The following CA6 variants were observed in gnomAD, a reference collection of about 807,000 sequenced individuals.
The protein encoded by CA6 is carbonate dehydratase VI.
Under a neutral mutation model 35.9 loss-of-function variants are expected in CA6, and 28 were observed. That is an observed-to-expected ratio of 0.78 (90% confidence interval 0.58 to 1.07). The LOEUF (loss-of-function observed/expected upper bound fraction) is 1.07. CA6 is among the 50% of genes least tolerant of loss of function. CA6 has a pLI of 0.00. For missense variants in CA6, 377 were observed against 382.0 expected (o/e 0.99, Z 0.11); for synonymous variants, 148 against 152.6 (o/e 0.97, Z 0.22).
chr1:8,974,094 G>A (rs1401187722), intron 7 of CA6, among the ~76,000 whole-genome samples: 2 of 152,102 alleles, frequency 1.3e-5, no homozygotes, highest in Non-Finnish European at 2.9e-5. Context: ...CAAAGTGCTG[G>A]GATTACAGGC....
chr1:8,957,549 C>G (rs528021339), intron 3 of CA6, among the ~76,000 whole-genome samples: 3 of 152,110 alleles, frequency 2.0e-5, no homozygotes, highest in Non-Finnish European at 4.4e-5. Context: ...CCATTTTGGC[C>G]AGGCTGGTCT....
intron 4 of CA6, among the ~76,000 whole-genome samples, chr1:8,960,640 T>C (rs891974731): frequency 4.6e-5 from 7 of 151,416 alleles, no homozygotes; most frequent in African/African-American, 1.7e-4. Flanking sequence ...ATCAGTGCAT[T>C]TGAAGATAGA....
intron 2 of CA6, among the ~76,000 whole-genome samples, chr1:8,953,166 C>T (rs1480794621): frequency 6.6e-6 from 1 of 152,156 alleles, no homozygotes; most frequent in Non-Finnish European, 1.5e-5. Context: ...TTTCACTTAG[C>T]AATATGCATT....
chr1:8,946,662 A>G (rs1639371993), intron 1 of CA6, among the ~76,000 whole-genome samples: 1 of 152,054 alleles, frequency 6.6e-6, no homozygotes, highest in Non-Finnish European at 1.5e-5. Context: ...GACTCTCGGT[A>G]ACCTCACGGA....
At chr1:8,949,578 G>A in intron 2 of CA6, 136 bp downstream of exon 2, 1 of 716,946 alleles carries the variant, frequency 1.4e-6, no homozygotes, top group Non-Finnish European at 2.3e-6. Flanking sequence ...TCGAACATGA[G>A]GGTCGAACAT....
chr1:8,973,206 G>T (rs531204211), intron 7 of CA6, among the ~76,000 whole-genome samples: 1 of 152,254 alleles, frequency 6.6e-6, no homozygotes, highest in South Asian at 2.1e-4. Context: ...TTTTAGTAGA[G>T]ATGGGATTTC....
rs752327174 is a variant in CA6 at position 8,957,166 on chromosome 1, A to C, written c.289A>C (p.Met97Leu). ...VQISLPSTMR[M>L]TVADGTVYIA... ...GATCAGCCTGCCCTCCACCATGCGC[A>C]TGACAGTGGCTGACGGCACTGTATA... The change falls in exon 3 of 8, where the codon ATG (methionine) becomes CTG (leucine). Residue 97 changes from methionine to leucine, a missense_variant. Coordinates refer to ENST00000377443, the MANE Select transcript of CA6 (RefSeq NM_001215.4). The C allele has an allele frequency of 2.5e-6, 4 of 1,613,420 alleles. No individual in the cohort carries two copies. In the South Asian group the frequency reaches 4.4e-5, roughly 18 times the overall value.
chr1:8,949,814 G>A (rs1263392463), intron 2 of CA6, among the ~76,000 whole-genome samples: 1 of 152,008 alleles, frequency 6.6e-6, no homozygotes, highest in African/African-American at 2.4e-5. Flanking sequence ...TTCCTATATT[G>A]AGTCTATTCA....
intron 3 of CA6, among the ~76,000 whole-genome samples, chr1:8,958,522 A>G (rs1311582158): frequency 1.3e-5 from 2 of 152,120 alleles, no homozygotes; most frequent in African/African-American, 4.8e-5. Flanking sequence ...TAGGATGACT[A>G]CATGTTAACA....
intron 7 of CA6, among the ~76,000 whole-genome samples, chr1:8,973,467 C>T (rs1391716774): frequency 2.6e-5 from 4 of 152,216 alleles, no homozygotes; most frequent in Admixed American, 2.6e-4. Context: ...TCTAGCATCT[C>T]CTCACGAGGG....
chr1:8,961,622 C>T (rs1458723540), intron 4 of CA6, among the ~76,000 whole-genome samples: 1 of 151,952 alleles, frequency 6.6e-6, no homozygotes, highest in Non-Finnish European at 1.5e-5. Context: ...TGGACCAATG[C>T]AACAAAAAAG....
chr1:8,954,152 A>ATTCT (rs1028917851), intron 2 of CA6, among the ~76,000 whole-genome samples: 20 of 149,784 alleles, frequency 1.3e-4, no homozygotes, highest in African/African-American at 4.9e-4. Context: ...TGGAGCAGCC[A>ATTCT]TTCTTTATTC....
intron 5 of CA6, among the ~76,000 whole-genome samples, chr1:8,966,994 AC>A (rs1639985782): frequency 6.6e-6 from 1 of 151,098 alleles, no homozygotes; most frequent in South Asian, 2.1e-4. Context: ...AATAAAAAAA[AC>A]AACTTATTGT....
At chr1:8,949,466 G>T in intron 2 of CA6, 24 bp downstream of exon 2, 3 of 1,599,676 alleles carry the variant, frequency 1.9e-6, no homozygotes, top group South Asian at 2.2e-5. Context: ...GTGGTGAGGG[G>T]CTCCAGTCCA....
At chr1:8,954,775 A>G (rs909620252) in intron 2 of CA6, among the ~76,000 whole-genome samples, 2 of 152,062 alleles carry the variant, frequency 1.3e-5, no homozygotes, top group Admixed American at 1.3e-4. Flanking sequence ...AGGTTTCGCC[A>G]TGTTGGCTAG....
intron 7 of CA6, 21 bp from the exon 8 acceptor site, chr1:8,974,601 G>A (rs372650598): frequency 1.2e-5 from 19 of 1,561,394 alleles, no homozygotes; most frequent in African/African-American, 9.5e-5. Context: ...AACCATTTCC[G>A]ACTAACTCTT....
At chr1:8,960,409 A>C (rs976283489) in intron 4 of CA6, among the ~76,000 whole-genome samples, 1 of 151,990 alleles carries the variant, frequency 6.6e-6, no homozygotes, top group African/African-American at 2.4e-5. Context: ...AAAAAAAAAA[A>C]ACAACTATCA....
chr1:8,969,282 T>C (rs1253846942), intron 6 of CA6, among the ~76,000 whole-genome samples: 1 of 152,060 alleles, frequency 6.6e-6, no homozygotes, highest in East Asian at 1.9e-4. Context: ...GCCATTGCAC[T>C]CCAGCCTGGG....
At chr1:8,952,492 A>AC (rs1639566152) in intron 2 of CA6, 6 of 152,094 alleles carry the variant, frequency 3.9e-5, no homozygotes, top group African/African-American at 1.5e-4. Context: ...TTATTTGGCT[A>AC]TTGCCATTGG....
Sources: gnomAD v4.1 joint callset for allele counts (sites outside exome capture counted in the v4.1 genomes callset) on GRCh38, gnomAD v4.1.1 for gene constraint, MANE v1.5 for transcripts, NCBI Gene and HGNC (gene_info 2026-07-23, HGNC 2026-07-21) for gene names.